Variants in LMNTD1 observed in about 807,000 individuals in gnomAD.
The protein encoded by LMNTD1 is lamin tail domain-containing protein 1.
A neutral mutation model predicts 50.9 loss-of-function variants in LMNTD1; 35 were observed. The ratio of observed to expected loss-of-function variants is 0.69; its 90% CI spans 0.53 to 0.91. The LOEUF is 0.91. Ranked by LOEUF, LMNTD1 falls within the 40% of genes least tolerant of loss-of-function variation. The probability of loss-of-function intolerance (pLI) is 0.00; values close to 1 mark genes in which losing one functional copy is unlikely to be tolerated. For missense variants in LMNTD1, 470 were observed against 475.5 expected (o/e 0.99, Z 0.11); for synonymous variants, 153 against 161.9 (o/e 0.94, Z 0.42).
intron 1 of LMNTD1, among the ~76,000 whole-genome samples, chr12:25,605,780 G>A (rs1395875035): frequency 1.3e-5 from 2 of 152,182 alleles, no homozygotes; most frequent in Non-Finnish European, 2.9e-5. Flanking sequence ...GTAGTGTGAT[G>A]CCTCCAGCTT....
intron 1 of LMNTD1, among the ~76,000 whole-genome samples, chr12:25,608,269 A>G (rs1946161753): frequency 1.3e-5 from 2 of 152,104 alleles, no homozygotes; most frequent in Admixed American, 6.6e-5. Flanking sequence ...ACACTGATGG[A>G]TCTTGACTCT....
chr12:25,579,286 T>C (rs1391845656), intron 1 of LMNTD1, among the ~76,000 whole-genome samples: 2 of 152,230 alleles, frequency 1.3e-5, no homozygotes, highest in Admixed American at 6.5e-5. Context: ...TTTCTTACTA[T>C]TATTACCTAA....
At chr12:25,509,266 C>G (rs1015507434) in intron 8 of LMNTD1, among the ~76,000 whole-genome samples, 1 of 152,084 alleles carries the variant, frequency 6.6e-6, no homozygotes, top group Non-Finnish European at 1.5e-5. Context: ...CACCACCATG[C>G]TCAGCTAATT....
At chr12:25,523,226 G>T (rs1941467728) in intron 6 of LMNTD1, among the ~76,000 whole-genome samples, 1 of 151,998 alleles carries the variant, frequency 6.6e-6, no homozygotes, top group African/African-American at 2.4e-5. Context: ...TAGAGATGGG[G>T]TTTCACCATG....
chr12:25,610,528 G>T (rs1256934277), intron 1 of LMNTD1, among the ~76,000 whole-genome samples: 2 of 152,240 alleles, frequency 1.3e-5, no homozygotes, highest in East Asian at 3.9e-4. Flanking sequence ...GGCTATTAAT[G>T]TTTTTTACAG....
chr12:25,599,845 ATAAATATAGT>A (rs1388080541), intron 1 of LMNTD1, among the ~76,000 whole-genome samples: 1 of 152,078 alleles, frequency 6.6e-6, no homozygotes, highest in African/African-American at 2.4e-5. Context: ...GATTGGGAGA[ATAAATATAGT>A]TAAAATGTCC....
At chr12:25,559,200 C>T (rs373088732) in intron 1 of LMNTD1, among the ~76,000 whole-genome samples, 4 of 152,148 alleles carry the variant, frequency 2.6e-5, no homozygotes, top group East Asian at 1.9e-4. Flanking sequence ...CCCCCCTGCC[C>T]CCACCCCATG....
At position 25,518,688 on chromosome 12, in the gene LMNTD1, G is replaced by A. The variant is rs910567438; in HGVS notation, c.1189+107C>T. 3.2e-6 allele frequency: 3 copies of A among 943,452 alleles called. No homozygotes were observed. In the African/African-American group the frequency reaches 4.9e-5, roughly 15 times the overall value. The allele number at this position is 943,452 out of a possible 1,614,324, so 58.4% of individuals were successfully genotyped here. On this transcript the variant is annotated intron_variant, in intron 8 of 9. Coordinates refer to ENST00000458174, the MANE Select transcript of LMNTD1 (RefSeq NM_001145728.2). ...AAGAGCCATCTATTCTTGAGAATATGAATCATCTTTAACACTTAGCACATT... is the reference window on the plus strand; with the variant it reads ...AAGAGCCATCTATTCTTGAGAATATAAATCATCTTTAACACTTAGCACATT...
At chr12:25,554,357 C>T (rs1943942918), upstream of LMNTD1, among the ~76,000 whole-genome samples, 1 of 152,200 alleles carries the variant, frequency 6.6e-6, no homozygotes, top group South Asian at 2.1e-4. Context: ...AGAGAGCCTG[C>T]TCATATTTTC....
intron 9 of LMNTD1, among the ~76,000 whole-genome samples, chr12:25,495,311 A>G (rs1037367599): frequency 1.3e-5 from 2 of 149,866 alleles, no homozygotes; most frequent in Non-Finnish European, 3.0e-5. Context: ...ATGCTTATCT[A>G]TTTGGGGGTA....
rs2136028192 is a variant in LMNTD1, at chr12:25,518,791, T to A, written c.1189+4A>T. On this transcript the variant is annotated splice_donor_region_variant and intron_variant, in intron 8 of 9. Transcript: ENST00000458174. ...CCACTGGAACAAGCACTCTTTTAAC[T>A]GACCTGAGGCTCGATTAGGTCTGGT... 6.2e-7 allele frequency: 1 copy of A among 1,613,888 alleles called. No individual in the cohort carries two copies. Among genetic ancestry groups the A allele is most frequent in the Non-Finnish European group, 8.5e-7 (1 of 1,179,798 alleles).
At chr12:25,644,108 G>C (rs1347439570) in intron 1 of LMNTD1, among the ~76,000 whole-genome samples, 1 of 152,090 alleles carries the variant, frequency 6.6e-6, no homozygotes, top group African/African-American at 2.4e-5. Flanking sequence ...AATGAAAACA[G>C]GAGAAGTGCA....
intron 4 of LMNTD1, among the ~76,000 whole-genome samples, chr12:25,543,389 A>C (rs188555319): frequency 6.6e-6 from 1 of 152,202 alleles, no homozygotes; most frequent in East Asian, 1.9e-4. Context: ...AACAAATGGA[A>C]TTCAAACAGT....
rs185940121 is a variant in LMNTD1 at position 25,570,669 on chromosome 12, C to T, written c.59-24115G>A. On this transcript the variant is annotated intron_variant, in intron 1 of 7. Coordinates refer to the LMNTD1 transcript ENST00000445693. ...ACCAGACTGTGGAGAGCCTTGAACA[C>T]CAGGCCTAGGAGTTGAATGCATTCC... 2.2e-3 allele frequency among the ~76,000 whole-genome samples: 331 copies of T among 152,210 alleles called. 4 individuals carry two copies. The highest frequency in any genetic ancestry group is 7.3e-3 in the African/African-American group (305 of 41,526).
At chr12:25,593,657 C>T (rs1945766813) in intron 1 of LMNTD1, among the ~76,000 whole-genome samples, 1 of 152,018 alleles carries the variant, frequency 6.6e-6, no homozygotes, top group Admixed American at 6.6e-5. Context: ...TTCTTTAACA[C>T]CACCTAAAAA....
chr12:25,564,676 G>A (rs1216887397), intron 1 of LMNTD1, among the ~76,000 whole-genome samples: 1 of 152,170 alleles, frequency 6.6e-6, no homozygotes, highest in African/African-American at 2.4e-5. Context: ...AATGATCCAT[G>A]TGCTGAGGAA....
intron 6 of LMNTD1, among the ~76,000 whole-genome samples, chr12:25,525,108 A>G (rs1451608386): frequency 6.6e-6 from 1 of 152,186 alleles, no homozygotes; most frequent in Non-Finnish European, 1.5e-5. Flanking sequence ...TGTAAAAATG[A>G]TCTAAAAATC....
At chr12:25,524,131 C>T (rs1447039073) in intron 6 of LMNTD1, among the ~76,000 whole-genome samples, 1 of 152,174 alleles carries the variant, frequency 6.6e-6, no homozygotes, top group East Asian at 1.9e-4. Flanking sequence ...CCTCTCAATG[C>T]TTTTTCTCAT....
At chr12:25,557,849 A>ATCATAT (rs1239637305), upstream of LMNTD1, among the ~76,000 whole-genome samples, 2 of 152,190 alleles carry the variant, frequency 1.3e-5, no homozygotes, top group Non-Finnish European at 2.9e-5. Context: ...ATTTTCTTCT[A>ATCATAT]TCATATATGG....
Sources: gnomAD v4.1 joint callset for allele counts (sites outside exome capture counted in the v4.1 genomes callset) on GRCh38, gnomAD v4.1.1 for gene constraint, MANE v1.5 for transcripts, NCBI Gene and HGNC (gene_info 2026-07-23, HGNC 2026-07-21) for gene names.